Variants in CSMD1 observed in about 807,000 individuals in gnomAD.
The protein encoded by CSMD1 is CUB and sushi domain-containing protein 1.
Under a neutral mutation model 417.5 loss-of-function variants are expected in CSMD1, and 213 were observed. The ratio of observed to expected loss-of-function variants is 0.51; its 90% CI spans 0.46 to 0.57. The LOEUF is 0.57. Ranked by LOEUF, CSMD1 falls within the 20% of genes least tolerant of loss-of-function variation. The probability of loss-of-function intolerance (pLI) is 0.00; values close to 1 mark genes in which losing one functional copy is unlikely to be tolerated. For missense variants in CSMD1, 6,923 were observed against 4,529.7 expected (o/e 1.53, Z -15.17); for synonymous variants, 2,862 against 1,736.8 (o/e 1.65, Z -16.11).
intron 3 of CSMD1, among the ~76,000 whole-genome samples, chr8:4,371,258 G>A (rs993003198): frequency 2.0e-5 from 3 of 152,144 alleles, no homozygotes; most frequent in African/African-American, 7.2e-5. Flanking sequence ...CAGCAGTTTG[G>A]CTTCTAGTCC....
chr8:3,468,519 G>A (rs1358458770), intron 12 of CSMD1, among the ~76,000 whole-genome samples, 193 bp downstream of exon 12: 2 of 152,096 alleles, frequency 1.3e-5, no homozygotes, highest in South Asian at 2.1e-4. Flanking sequence ...ATGGCAAGCC[G>A]AGTTTTCAGA....
At chr8:4,323,849 G>C (rs1799407281) in intron 3 of CSMD1, among the ~76,000 whole-genome samples, 1 of 152,120 alleles carries the variant, frequency 6.6e-6, no homozygotes. Flanking sequence ...CTTGTACTGA[G>C]AGTTTAGCTT....
chr8:4,940,085 G>C (rs1051605342), intron 1 of CSMD1, among the ~76,000 whole-genome samples: 3 of 152,166 alleles, frequency 2.0e-5, no homozygotes, highest in African/African-American at 7.2e-5. Context: ...CAGAAAAGTT[G>C]CATGTGAACT....
At chr8:4,026,274 A>C (rs1035886510) in intron 4 of CSMD1, among the ~76,000 whole-genome samples, 8 of 152,224 alleles carry the variant, frequency 5.3e-5, no homozygotes, top group African/African-American at 1.9e-4. Context: ...AATGGAACGC[A>C]ATTTGAAGTC....
chr8:4,898,229 G>A (rs935395388), intron 1 of CSMD1, among the ~76,000 whole-genome samples: 3 of 152,124 alleles, frequency 2.0e-5, no homozygotes, highest in Non-Finnish European at 4.4e-5. Flanking sequence ...ACACATGAAC[G>A]GAGAGCATCG....
rs961836849 is a variant in CSMD1 at position 3,961,147 on chromosome 8, G to C, written c.818+36756C>G. On this transcript the variant is annotated intron_variant, in intron 5 of 69. Coordinates refer to ENST00000635120, the MANE Select transcript of CSMD1 (RefSeq NM_033225.6). The stretch of plus-strand genomic sequence containing the variant: ...ATTGCATCTCTTCTTGCCCATAATA[G>C]TCTCTGTATTTCACTAAGTTATCAT... Among the ~76,000 whole-genome samples the C allele has an allele frequency of 2.8e-4, 42 of 152,206 alleles. 1 individual carries two copies. The highest frequency in any genetic ancestry group is 9.9e-4 in the African/African-American group (41 of 41,546).
chr8:4,322,750 T>C (rs1476871886), intron 3 of CSMD1, among the ~76,000 whole-genome samples: 1 of 152,150 alleles, frequency 6.6e-6, no homozygotes, highest in African/African-American at 2.4e-5. Flanking sequence ...ATACCAGCAC[T>C]TTGGAAGGCA....
In CSMD1 at chr8:3,290,714, G is replaced by T. The variant is rs541476664; in HGVS notation, c.3951-6368C>A. ...TTGCTGAAGTTGCTTATCAGCTTAA[G>T]GAGATTTTGGGCTGAGACAATGGGG... On this transcript the variant is annotated intron_variant, in intron 25 of 69. Coordinates refer to ENST00000635120, the MANE Select transcript of CSMD1 (RefSeq NM_033225.6). Among the ~76,000 whole-genome samples, 390 of 147,156 alleles carry T rather than the reference G, an allele frequency of 2.7e-3. 74 individuals are homozygous for T. Among genetic ancestry groups the T allele is most frequent in the African/African-American group, 0.01 (375 of 37,014 alleles).
At chr8:2,988,011 G>T (rs1040274898) in intron 54 of CSMD1, among the ~76,000 whole-genome samples, 1 of 152,180 alleles carries the variant, frequency 6.6e-6, no homozygotes, top group South Asian at 2.1e-4. Flanking sequence ...AGCCCCGCAT[G>T]CGTTAGCTAT....
chr8:3,874,063 A>T (rs1805655594), intron 5 of CSMD1, among the ~76,000 whole-genome samples: 1 of 152,138 alleles, frequency 6.6e-6, no homozygotes, highest in African/African-American at 2.4e-5. Flanking sequence ...CCTCCCCTCA[A>T]ATTTAGGAAG....
intron 5 of CSMD1, among the ~76,000 whole-genome samples, chr8:3,776,390 G>C (rs1402940931): frequency 6.6e-6 from 1 of 152,158 alleles, no homozygotes; most frequent in East Asian, 1.9e-4. Context: ...AGACTCTAAA[G>C]AGGCGCTGCA....
intron 8 of CSMD1, among the ~76,000 whole-genome samples, chr8:3,599,538 G>C (rs1038853441): frequency 2.0e-5 from 3 of 152,114 alleles, no homozygotes; most frequent in African/African-American, 4.8e-5. Flanking sequence ...ACGCAGCATT[G>C]TTAACCCCCA....
At chr8:3,338,408 A>G (rs1585020761) in intron 23 of CSMD1, among the ~76,000 whole-genome samples, 1 of 152,332 alleles carries the variant, frequency 6.6e-6, no homozygotes, top group East Asian at 1.9e-4. Context: ...GTAAATCAAA[A>G]CACAGCTAAG....
intron 1 of CSMD1, among the ~76,000 whole-genome samples, chr8:4,677,097 A>G (rs1423762571): frequency 6.8e-6 from 1 of 146,924 alleles, no homozygotes; most frequent in East Asian, 2.0e-4. Context: ...ATATATTATA[A>G]TATCTATCAT....
In CSMD1 at chr8:4,676,682, A is replaced by T. The variant is rs148696483; in HGVS notation, c.86-39124T>A. 2.7e-3 allele frequency among the ~76,000 whole-genome samples: 409 copies of T among 152,054 alleles called. 1 individual carries two copies. The highest frequency in any genetic ancestry group is 9.4e-3 in the African/African-American group (389 of 41,484). ...AAAAAGAACAATTTTATTATAGCCT[A>T]TGTAGCGTATCAATGTCACGTCATA... On this transcript the variant is annotated intron_variant, in intron 1 of 69. Transcript: ENST00000635120.
intron 38 of CSMD1, among the ~76,000 whole-genome samples, chr8:3,159,351 C>T (rs887602561): frequency 5.3e-5 from 8 of 152,092 alleles, no homozygotes; most frequent in Non-Finnish European, 1.2e-4. Flanking sequence ...AGTTTTTACA[C>T]CAATGGGAAT....
chr8:4,063,216 T>C (rs1799072186), intron 3 of CSMD1, among the ~76,000 whole-genome samples: 1 of 152,134 alleles, frequency 6.6e-6, no homozygotes, highest in Admixed American at 6.6e-5. Context: ...CATGAGACTT[T>C]GTGTGCATAT....
rs760884464 is a variant in CSMD1, at chr8:3,586,287, A to AC, written c.1098-28_1098-27insG. On this transcript the variant is annotated intron_variant, in intron 8 of 69. Coordinates refer to ENST00000635120, the MANE Select transcript of CSMD1 (RefSeq NM_033225.6). ...TAAGCCGTTAAAAAAGAAAAAAAAA[A>AC]ACCCAAATTATTTACAGAAGACTTC... The AC allele has an allele frequency of 1.3e-5, 20 of 1,547,460 alleles. No homozygotes were observed. The East Asian group carries it at 4.1e-4, about 32-fold the overall frequency.
chr8:3,236,905 C>T (rs144510110), intron 26 of CSMD1, among the ~76,000 whole-genome samples: 3 of 152,046 alleles, frequency 2.0e-5, no homozygotes, highest in East Asian at 1.9e-4. Context: ...TTCCCACAGG[C>T]GTTCCCTGGA....
Sources: gnomAD v4.1 joint callset for allele counts (sites outside exome capture counted in the v4.1 genomes callset) on GRCh38, gnomAD v4.1.1 for gene constraint, MANE v1.5 for transcripts, NCBI Gene and HGNC (gene_info 2026-07-23, HGNC 2026-07-21) for gene names.